The following EFNA2 variants were observed in gnomAD, a reference collection of about 807,000 sequenced individuals.
EFNA2 encodes the protein ephrin A2.
Under a neutral mutation model 19.7 loss-of-function variants are expected in EFNA2, and 18 were observed. That is an observed-to-expected ratio of 0.91 (90% CI 0.63 to 1.35). EFNA2 has a LOEUF of 1.35. Among genes scored for constraint, EFNA2 ranks in the 40% most tolerant of loss-of-function variants. The pLI, the probability that EFNA2 is intolerant of heterozygous loss-of-function variation, is 0.00. For synonymous variants in EFNA2, 187 were observed against 137.8 expected, an observed-to-expected ratio of 1.36 and a Z score of -2.50; for missense variants, 303 against 296.0, an observed-to-expected ratio of 1.02 and a Z score of -0.17.
chr19:1,286,369 C>G lies in EFNA2; in HGVS notation c.140+61C>G. ...CCCCCAACGCCCCCCAAGCCGCGCC[C>G]GGCCTCGCGCCCCCGGAGCTCCGGG... is the stretch of plus-strand genomic sequence containing the variant. On this transcript the variant is annotated intron_variant, in intron 1 of 3. Transcript: ENST00000215368. The surrounding 1 kb of genome is among the most constrained non-coding windows in gnomAD (Gnocchi z 5.6). 1.1e-6 allele frequency: 1 copy of G among 913,600 alleles called. No homozygotes were observed. Among genetic ancestry groups the G allele is most frequent in the Non-Finnish European group, 1.3e-6 (1 of 766,988 alleles). 56.6% of individuals were successfully genotyped at this position (913,600 alleles called of 1,614,324 possible).
rs961504586 is a variant in EFNA2, at chr19:1,287,302, G to C, written c.140+994G>C. 1.3e-5 allele frequency among the ~76,000 whole-genome samples: 2 copies of C among 152,150 alleles called. No individual in the cohort carries two copies. Among genetic ancestry groups the C allele is most frequent in the Admixed American group, 6.5e-5 (1 of 15,282 alleles). On this transcript the variant is annotated intron_variant, in intron 1 of 3. Transcript: ENST00000215368. The surrounding 1 kb of genome is among the most constrained non-coding windows in gnomAD (Gnocchi z 6.2). ...CGGGGCTTTGGGGGTCCTGGGGCTC[G>C]GGAGGGAGTCAGCCCCAGCACTCAG...
chr19:1,289,667 C>T (rs957876870), intron 1 of EFNA2, among the ~76,000 whole-genome samples: 2 of 152,232 alleles, frequency 1.3e-5, no homozygotes, highest in African/African-American at 4.8e-5. Context: ...GCCACCCTCC[C>T]GGGGTTCCCC....
In EFNA2 at chr19:1,294,632, C is replaced by T. The variant is rs1345914301; in HGVS notation, c.141-913C>T. 3.4e-5 allele frequency among the ~76,000 whole-genome samples: 5 copies of T among 148,942 alleles called. No homozygotes were observed. The highest frequency in any genetic ancestry group is 7.5e-5 in the African/African-American group (3 of 39,936). Reference sequence around the variant, plus strand: ...CTGGGAGTGGAGCCCAGGATGTCTCCGAGCTGGGCGGCAGGTGGAACTCGG... The same window carrying T: ...CTGGGAGTGGAGCCCAGGATGTCTCTGAGCTGGGCGGCAGGTGGAACTCGG... On this transcript the variant is annotated intron_variant, in intron 1 of 3. Coordinates refer to ENST00000215368, the MANE Select transcript of EFNA2 (RefSeq NM_001405.4). This position sits in a 1 kb window ranked among gnomAD's most constrained non-coding sequence, Gnocchi z 5.8.
chr19:1,299,281 G>A (rs1357123059), intron 3 of EFNA2, among the ~76,000 whole-genome samples: 2 of 151,824 alleles, frequency 1.3e-5, no homozygotes, highest in African/African-American at 2.4e-5. Context: ...CAGAGTGGCC[G>A]GGCACGGTGG....
intron 1 of EFNA2, among the ~76,000 whole-genome samples, chr19:1,288,011 C>T (rs1247475778): frequency 6.6e-6 from 1 of 152,270 alleles, no homozygotes; most frequent in Non-Finnish European, 1.5e-5. Flanking sequence ...GCCCAGCCAC[C>T]TCCTGTTGCT....
rs746901788 is a variant in EFNA2, at chr19:1,299,827, A to G, written c.524A>G (p.Glu175Gly). Residue 175 changes from glutamate to glycine, a missense_variant, in exon 4 of 4, where the codon GAG (glutamate) becomes GGG (glycine). By Grantham distance (98) the Glu-to-Gly change is moderately conservative. Transcript: ENST00000215368. ...RLKVYVRPTN[E>G]TLYEAPEPIF... ...GTGCTGTCTCTGCCACCCGCAGACG[A>G]GACCCTGTACGAGGCTCCTGAGCCC... is the stretch of plus-strand genomic sequence containing the variant. The G allele has an allele frequency of 6.2e-7, 1 of 1,600,966 alleles. No homozygotes were observed. Among genetic ancestry groups the G allele is most frequent in the South Asian group, 1.1e-5 (1 of 89,946 alleles).
rs527331554 is a variant in EFNA2, at chr19:1,297,164, G to A, written c.454+1306G>A. 6.6e-6 allele frequency among the ~76,000 whole-genome samples: 1 copy of A among 152,254 alleles called. No individual in the cohort carries two copies. The highest frequency in any genetic ancestry group is 6.5e-5 in the Admixed American group (1 of 15,302). ...CTTCTCAGCATCTCGGGGCCTGAGG[G>A]ATGGGGAGTCAGGGATCTGGGGTCT... On this transcript the variant is annotated intron_variant, in intron 2 of 3. Coordinates refer to ENST00000215368, the MANE Select transcript of EFNA2 (RefSeq NM_001405.4). This position sits in a 1 kb window ranked among gnomAD's most constrained non-coding sequence, Gnocchi z 5.0.
At position 1,286,886 on chromosome 19, in the gene EFNA2, GC is replaced by G. The variant is rs2081467555; in HGVS notation, c.140+580del. Among the ~76,000 whole-genome samples the G allele has an allele frequency of 6.6e-6, 1 of 152,248 alleles. No individual in the cohort carries two copies. Among genetic ancestry groups the G allele is most frequent in the South Asian group, 2.1e-4 (1 of 4,832 alleles). ...CCCAGCTTTGAAAGGAGACTGAGGG[GC>G]CGGGGAGCTGGGGGTCAGCCCCGGG... On this transcript the variant is annotated intron_variant, in intron 1 of 3. Transcript: ENST00000215368. The surrounding 1 kb of genome is among the most constrained non-coding windows in gnomAD (Gnocchi z 5.6).
chr19:1,288,125 C>T (rs914525074), intron 1 of EFNA2, among the ~76,000 whole-genome samples: 1 of 152,264 alleles, frequency 6.6e-6, no homozygotes, highest in Non-Finnish European at 1.5e-5. Flanking sequence ...CCTCCTTCCT[C>T]TCCTGCCTGC....
Position 1,295,515 on chromosome 19 carries a change from C to A in EFNA2, c.141-30C>A, listed in dbSNP as rs751117825. On this transcript the variant is annotated intron_variant, in intron 1 of 3. Transcript: ENST00000215368. The surrounding 1 kb of genome is among the most constrained non-coding windows in gnomAD (Gnocchi z 5.8). ...CCCGTGCCCCGTTCCTCGCTCCGGGCGCTGACCTCTGGCCGCCTTGTCCCC... is the reference window on the plus strand; with the variant it reads ...CCCGTGCCCCGTTCCTCGCTCCGGGAGCTGACCTCTGGCCGCCTTGTCCCC... 2 of 1,527,386 alleles carry A rather than the reference C, an allele frequency of 1.3e-6. No individual in the cohort carries two copies. The highest frequency in any genetic ancestry group is 1.8e-6 in the Non-Finnish European group (2 of 1,139,970). 94.6% of individuals were successfully genotyped at this position (1,527,386 alleles called of 1,614,324 possible).
Position 1,289,882 on chromosome 19 carries a change from C to T in EFNA2, c.140+3574C>T, listed in dbSNP as rs73494691. ...GAGCCGGCTTTGAAGGGGGTGATGC[C>T]GTGTTCTGCTGCATAAGGGTTTTTT... On this transcript the variant is annotated intron_variant, in intron 1 of 3. Transcript: ENST00000215368. Among the ~76,000 whole-genome samples, 1,471 of 152,220 alleles carry T rather than the reference C, an allele frequency of 9.7e-3. 29 individuals are homozygous for T. The highest frequency in any genetic ancestry group is 0.034 in the African/African-American group (1,406 of 41,534).
chr19:1,289,215 TGA>T (rs2081480359), intron 1 of EFNA2, among the ~76,000 whole-genome samples: 1 of 152,258 alleles, frequency 6.6e-6, no homozygotes, highest in African/African-American at 2.4e-5. Flanking sequence ...TGTGTGTGCA[TGA>T]GTGTGTCTGT....
Position 1,286,889 on chromosome 19 carries a change from G to A in EFNA2, c.140+581G>A, listed in dbSNP as rs1418840016. Among the ~76,000 whole-genome samples the A allele has an allele frequency of 6.6e-6, 1 of 152,240 alleles. No individual in the cohort carries two copies. Among genetic ancestry groups the A allele is most frequent in the Non-Finnish European group, 1.5e-5 (1 of 68,042 alleles). On this transcript the variant is annotated intron_variant, in intron 1 of 3. Coordinates refer to ENST00000215368, the MANE Select transcript of EFNA2 (RefSeq NM_001405.4). This position sits in a 1 kb window ranked among gnomAD's most constrained non-coding sequence, Gnocchi z 5.6. Reference sequence around the variant, plus strand: ...AGCTTTGAAAGGAGACTGAGGGGCCGGGGAGCTGGGGGTCAGCCCCGGGAG... The same window carrying A: ...AGCTTTGAAAGGAGACTGAGGGGCCAGGGAGCTGGGGGTCAGCCCCGGGAG...
At position 1,294,511 on chromosome 19, in the gene EFNA2, C is replaced by T. The variant is rs1358665038; in HGVS notation, c.141-1034C>T. Reference sequence around the variant, plus strand: ...CCCAAGAGGGAGACCAGGAGGCCGCCGGATTCCGGGGCTCGGGGCTCGGGA... The same window carrying T: ...CCCAAGAGGGAGACCAGGAGGCCGCTGGATTCCGGGGCTCGGGGCTCGGGA... On this transcript the variant is annotated intron_variant, in intron 1 of 3. Coordinates refer to ENST00000215368, the MANE Select transcript of EFNA2 (RefSeq NM_001405.4). This position sits in a 1 kb window ranked among gnomAD's most constrained non-coding sequence, Gnocchi z 5.8. 1.3e-5 allele frequency among the ~76,000 whole-genome samples: 2 copies of T among 151,494 alleles called. No homozygotes were observed. Among genetic ancestry groups the T allele is most frequent in the East Asian group, 2.0e-4 (1 of 5,110 alleles).
chr19:1,286,752 C>T lies in EFNA2; in HGVS notation c.140+444C>T, dbSNP rs879757067. On this transcript the variant is annotated intron_variant, in intron 1 of 3. Transcript: ENST00000215368. The surrounding 1 kb of genome is among the most constrained non-coding windows in gnomAD (Gnocchi z 5.6). Reference sequence around the variant, plus strand: ...ACCGGAGGTGGGGGACTGTGGCCCTCGAGGGATCTCTGGGTTCGTCCTGCC... The same window carrying T: ...ACCGGAGGTGGGGGACTGTGGCCCTTGAGGGATCTCTGGGTTCGTCCTGCC... Among the ~76,000 whole-genome samples, 8 of 152,302 alleles carry T rather than the reference C, an allele frequency of 5.3e-5. No homozygotes were observed. In the East Asian group the frequency reaches 1.5e-3, roughly 29 times the overall value.
At chr19:1,291,871 C>G (rs11881588) in intron 1 of EFNA2, among the ~76,000 whole-genome samples, 32,562 of 152,210 alleles carry the variant, frequency 0.21, 4,462 homozygotes, top group African/African-American at 0.38. Flanking sequence ...GCTGGGTGAG[C>G]CTCTGCCTGG....
rs2081466051 is a variant in EFNA2 at position 1,286,549 on chromosome 19, C to A, written c.140+241C>A. 6.6e-6 allele frequency among the ~76,000 whole-genome samples: 1 copy of A among 152,060 alleles called. No individual in the cohort carries two copies. The highest frequency in any genetic ancestry group is 2.4e-5 in the African/African-American group (1 of 41,426). ...TTGCCCTACGGACTGTGGGGACTCG[C>A]GCCCCACATCCCCCAGAGCGCCGAC... On this transcript the variant is annotated intron_variant, in intron 1 of 3. Coordinates refer to ENST00000215368, the MANE Select transcript of EFNA2 (RefSeq NM_001405.4). The surrounding 1 kb of genome is among the most constrained non-coding windows in gnomAD (Gnocchi z 5.6).
chr19:1,284,785 G>C (rs1028910676), upstream of EFNA2, among the ~76,000 whole-genome samples: 8 of 152,216 alleles, frequency 5.3e-5, no homozygotes, highest in Non-Finnish European at 1.0e-4. The surrounding 1 kb of genome is among the most constrained non-coding windows in gnomAD (Gnocchi z 5.3). Flanking sequence ...GGCTGTTGGT[G>C]CTTGCCCTGC....
chr19:1,296,369 G>A lies in EFNA2; in HGVS notation c.454+511G>A, dbSNP rs530345484. Among the ~76,000 whole-genome samples the A allele has an allele frequency of 1.4e-4, 22 of 152,328 alleles. No homozygotes were observed. Among genetic ancestry groups the A allele is most frequent in the South Asian group, 1.0e-3 (5 of 4,828 alleles). On this transcript the variant is annotated intron_variant, in intron 2 of 3. Coordinates refer to ENST00000215368, the MANE Select transcript of EFNA2 (RefSeq NM_001405.4). The surrounding 1 kb of genome is among the most constrained non-coding windows in gnomAD (Gnocchi z 4.4). ...GAGGCATCCGGAGCCCAGCAGGGGAGGGGAGCTTGGTGGAAGCCACAGCTA... is the reference window on the plus strand; with the variant it reads ...GAGGCATCCGGAGCCCAGCAGGGGAAGGGAGCTTGGTGGAAGCCACAGCTA...
Sources: allele counts gnomAD v4.1 joint callset (sites outside exome capture counted in the v4.1 genomes callset), GRCh38; gene constraint gnomAD v4.1.1; non-coding constraint Gnocchi (gnomAD v3.1); transcripts MANE v1.5; gene names NCBI Gene and HGNC (gene_info 2026-07-23, HGNC 2026-07-21).